DOP1A: variants seen among roughly 807,000 people sequenced by gnomAD.
DOP1A encodes DOP1 leucine zipper like protein A, also known as protein DOP1A.
In DOP1A, 90 loss-of-function variants were observed where a neutral mutation model predicts 267.6. That is an observed-to-expected ratio of 0.34 (90% CI 0.28 to 0.40). The LOEUF (loss-of-function observed/expected upper bound fraction) is 0.40, where lower values mean the gene tolerates loss of function less well. Ranked by LOEUF, DOP1A falls within the 10% of genes least tolerant of loss-of-function variation. The probability of loss-of-function intolerance (pLI) is 1.00; values close to 1 mark genes in which losing one functional copy is unlikely to be tolerated. For synonymous variants in DOP1A, 932 were observed against 999.1 expected (o/e 0.93, Z 1.27); for missense variants, 2,437 against 2,900.4 (o/e 0.84, Z 3.67).
intron 33 of DOP1A, among the ~76,000 whole-genome samples, chr6:83,154,558 A>C (rs1782350366): frequency 6.6e-6 from 1 of 152,360 alleles, no homozygotes; most frequent in African/African-American, 2.4e-5. Flanking sequence ...TACCCAGCAC[A>C]TAATAATAGC....
At chr6:83,120,194 A>G (rs1002834480) in intron 9 of DOP1A, among the ~76,000 whole-genome samples, 3 of 151,964 alleles carry the variant, frequency 2.0e-5, no homozygotes, top group Admixed American at 6.6e-5. Context: ...GCTCTGGAGA[A>G]GTTTATTTCA....
rs200071986 is a variant in DOP1A at position 83,119,847 on chromosome 6, T to C, written c.980T>C (p.Leu327Ser). The change falls in exon 9 of 39, where the codon TTA becomes TCA. Residue 327 changes from leucine to serine, a missense_variant. Physicochemically the swap from Leu to Ser is moderately radical, Grantham distance 145. Transcript: ENST00000349129. ...TATTTCACTACCTTTTCAAAAGAAT[T>C]ATTAGTCCAGGTAATGAATACTTTT... ...TYYFTTFSKE[L>S]LVQAMVGILQ... The C allele has an allele frequency of 3.2e-5, 52 of 1,610,212 alleles. No homozygotes were observed. Among genetic ancestry groups the C allele is most frequent in the Non-Finnish European group, 4.3e-5 (51 of 1,176,964 alleles).
intron 38 of DOP1A, among the ~76,000 whole-genome samples, 183 bp downstream of exon 38, chr6:83,163,102 G>GT (rs1314398644): frequency 1.3e-5 from 2 of 152,066 alleles, no homozygotes; most frequent in Non-Finnish European, 1.5e-5. Context: ...AAAACATATC[G>GT]TATGTATTTT....
intron 7 of DOP1A, among the ~76,000 whole-genome samples, chr6:83,114,917 T>C (rs1775164174): frequency 6.6e-6 from 1 of 152,198 alleles, no homozygotes; most frequent in Admixed American, 6.5e-5. Flanking sequence ...AATTCTAATA[T>C]AGTTCTCCCT....
At chr6:83,109,162 T>A (rs1322753241) in intron 5 of DOP1A, 82 bp downstream of exon 5, 16 of 1,265,374 alleles carry the variant, frequency 1.3e-5, no homozygotes, top group Non-Finnish European at 1.6e-5. Context: ...TGTTTTAACA[T>A]CACAAATGAA....
At chr6:83,084,236 ATACT>A (rs774494184) in intron 1 of DOP1A, among the ~76,000 whole-genome samples, 14 of 152,250 alleles carry the variant, frequency 9.2e-5, no homozygotes, top group Non-Finnish European at 1.8e-4. Context: ...AGGTACACAA[ATACT>A]TACTGTTGTG....
chr6:83,139,203 C>T, intron 21 of DOP1A, 41 bp downstream of exon 21: 1 of 1,452,564 alleles, frequency 6.9e-7, no homozygotes, highest in Non-Finnish European at 9.5e-7. Flanking sequence ...TGACATTTTT[C>T]ACATATATGA....
chr6:83,094,533 G>T (rs1390516868), intron 1 of DOP1A, among the ~76,000 whole-genome samples: 1 of 152,196 alleles, frequency 6.6e-6, no homozygotes, highest in Admixed American at 6.5e-5. Flanking sequence ...GTGTATGAGG[G>T]TTCCAGTTTC....
At chr6:83,086,951 C>CG (rs1554223714) in intron 1 of DOP1A, among the ~76,000 whole-genome samples, 3 of 151,910 alleles carry the variant, frequency 2.0e-5, no homozygotes, top group African/African-American at 2.4e-5. Context: ...ATGAGAGATT[C>CG]GGGGGGTAGA....
chr6:83,139,398 A>T (rs1255655814), intron 21 of DOP1A, among the ~76,000 whole-genome samples: 4 of 152,278 alleles, frequency 2.6e-5, no homozygotes, highest in African/African-American at 9.6e-5. Context: ...CCAAGATCTA[A>T]AATTAATTTC....
At chr6:83,076,290 G>A (rs778290119) in intron 1 of DOP1A, among the ~76,000 whole-genome samples, 2 of 152,118 alleles carry the variant, frequency 1.3e-5, no homozygotes, top group Admixed American at 6.5e-5. Context: ...TTGGGAGGCC[G>A]AGGTGGGTGG....
Position 83,145,468 on chromosome 6 carries a change from C to T in DOP1A, c.5542-56C>T, listed in dbSNP as rs114354680. 1.7e-3 allele frequency: 2,320 copies of T among 1,382,618 alleles called. 27 individuals are homozygous for T. The African/African-American group carries it at 0.032, about 19-fold the overall frequency. The allele number at this position is 1,382,618 out of a possible 1,614,324, so 85.6% of individuals were successfully genotyped here. On this transcript the variant is annotated intron_variant, in intron 24 of 38. Coordinates refer to ENST00000349129, the MANE Select transcript of DOP1A (RefSeq NM_015018.4). The stretch of plus-strand genomic sequence containing the variant: ...GATCATAAAATACTCTCTTCTGTAA[C>T]TTCCCCTAAAAGACTTATATACATA...
At chr6:83,132,966 A>C (rs576603420) in intron 18 of DOP1A, among the ~76,000 whole-genome samples, 1 of 152,242 alleles carries the variant, frequency 6.6e-6, no homozygotes, top group African/African-American at 2.4e-5. Flanking sequence ...ATTTTATTGA[A>C]GAGCTTTTAG....
intron 1 of DOP1A, among the ~76,000 whole-genome samples, chr6:83,081,331 C>T (rs1474080651): frequency 6.6e-6 from 1 of 152,168 alleles, no homozygotes; most frequent in Non-Finnish European, 1.5e-5. Flanking sequence ...TGGTCTCCAA[C>T]TTCTGGCTCA....
At chr6:83,069,538 C>G (rs1367510672) in intron 1 of DOP1A, among the ~76,000 whole-genome samples, 1 of 152,054 alleles carries the variant, frequency 6.6e-6, no homozygotes, top group African/African-American at 2.4e-5. Flanking sequence ...TGTAAAGGTC[C>G]ATGCATTAGG....
At chr6:83,118,108 T>C (rs534755026) in intron 7 of DOP1A, among the ~76,000 whole-genome samples, 1 of 152,214 alleles carries the variant, frequency 6.6e-6, no homozygotes, top group Non-Finnish European at 1.5e-5. Context: ...TCTTTACTTA[T>C]AGAGTGGTTG....
At chr6:83,118,300 GT>G (rs1047538971) in intron 7 of DOP1A, among the ~76,000 whole-genome samples, 86 of 151,752 alleles carry the variant, frequency 5.7e-4, no homozygotes, top group African/African-American at 1.9e-3. Flanking sequence ...TTTTTTAAAC[GT>G]TGAATTAAGG....
chr6:83,110,043 A>G, intron 5 of DOP1A, 82 bp from the exon 6 acceptor site: 2 of 1,420,526 alleles, frequency 1.4e-6, no homozygotes, highest in South Asian at 3.1e-5. Flanking sequence ...GTGTTTGCAT[A>G]CATTTTTGGA....
downstream of DOP1A, chr6:83,169,159 A>G: frequency 3.8e-6 from 6 of 1,580,390 alleles, no homozygotes; most frequent in South Asian, 1.1e-5. Context: ...TAAATCTCTT[A>G]GTACTGCCAT....
Sources: allele counts gnomAD v4.1 joint callset (sites outside exome capture counted in the v4.1 genomes callset), GRCh38; gene constraint gnomAD v4.1.1; transcripts MANE v1.5; gene names NCBI Gene and HGNC (gene_info 2026-07-23, HGNC 2026-07-21).